The following PLD5 variants were observed in gnomAD, a reference collection of about 807,000 sequenced individuals.
PLD5 encodes the protein inactive phospholipase D5.
PLD5 carries 36 observed loss-of-function variants against 61.1 expected under a neutral mutation model. The observed-to-expected ratio is 0.59, with a 90% CI of 0.45 to 0.78. PLD5 has a LOEUF of 0.78. Among genes scored for constraint, PLD5 ranks in the 30% least tolerant of loss-of-function variants. PLD5 has a pLI of 0.00. For synonymous variants in PLD5, 243 were observed against 242.8 expected (o/e 1.00, Z -0.01); for missense variants, 515 against 644.4 (o/e 0.80, Z 2.17).
intron 1 of PLD5, among the ~76,000 whole-genome samples, chr1:242,466,197 T>C (rs1169116173): frequency 1.3e-5 from 2 of 152,230 alleles, no homozygotes; most frequent in Non-Finnish European, 2.9e-5. Context: ...AATAGTATTA[T>C]GTGTCTTCCC....
At chr1:242,269,373 A>AC (rs1224701550) in intron 3 of PLD5, among the ~76,000 whole-genome samples, 1 of 151,608 alleles carries the variant, frequency 6.6e-6, no homozygotes, top group Non-Finnish European at 1.5e-5. Context: ...AGGAAGCTGT[A>AC]CCCCCAAAAT....
chr1:242,484,778 A>G (rs886476416), intron 1 of PLD5, among the ~76,000 whole-genome samples: 1 of 152,238 alleles, frequency 6.6e-6, no homozygotes, highest in Non-Finnish European at 1.5e-5. Flanking sequence ...TTAGACCAAT[A>G]TCCCTGATGA....
chr1:242,460,426 G>A (rs1454985831), intron 1 of PLD5, among the ~76,000 whole-genome samples: 1 of 152,130 alleles, frequency 6.6e-6, no homozygotes, highest in Non-Finnish European at 1.5e-5. Context: ...GCGGGCTGCT[G>A]GCCAGATCCC....
At chr1:242,414,095 A>C (rs1664697640) in intron 1 of PLD5, among the ~76,000 whole-genome samples, 1 of 152,204 alleles carries the variant, frequency 6.6e-6, no homozygotes, top group Non-Finnish European at 1.5e-5. Context: ...GATGTGCTTA[A>C]GGTGGAAACT....
intron 1 of PLD5, among the ~76,000 whole-genome samples, chr1:242,373,129 G>A (rs368595945): frequency 5.5e-4 from 84 of 152,114 alleles, no homozygotes; most frequent in African/African-American, 1.7e-3. Context: ...AAAAGTGGGC[G>A]AAGGACAGTT....
At chr1:242,345,245 G>T (rs12067415) in intron 2 of PLD5, among the ~76,000 whole-genome samples, 3,046 of 152,208 alleles carry the variant, frequency 0.02, 47 homozygotes, top group African/African-American at 0.041. Context: ...GCCGATAGGG[G>T]ATGAATGAAA....
chr1:242,245,744 G>T (rs1401001277), intron 4 of PLD5, among the ~76,000 whole-genome samples: 1 of 152,146 alleles, frequency 6.6e-6, no homozygotes, highest in Non-Finnish European at 1.5e-5. Context: ...ATGGGAATTT[G>T]TTCTTTAGGC....
intron 1 of PLD5, among the ~76,000 whole-genome samples, chr1:242,454,160 G>A (rs1350033981): frequency 6.6e-6 from 1 of 151,966 alleles, no homozygotes; most frequent in Admixed American, 6.6e-5. Flanking sequence ...TGAGACCCCT[G>A]TCTCTACTAA....
At chr1:242,143,856 T>G (rs984363756) in intron 5 of PLD5, among the ~76,000 whole-genome samples, 23 of 151,966 alleles carry the variant, frequency 1.5e-4, no homozygotes, top group Non-Finnish European at 3.1e-4. Flanking sequence ...TTTCCTTTTT[T>G]TTTGAGTCAG....
intron 5 of PLD5, among the ~76,000 whole-genome samples, chr1:242,147,142 A>T (rs1246360150): frequency 1.3e-5 from 2 of 152,112 alleles, no homozygotes; most frequent in East Asian, 3.8e-4. Flanking sequence ...GGCCCCTAAA[A>T]TTCCCCCATG....
intron 1 of PLD5, among the ~76,000 whole-genome samples, chr1:242,465,784 G>T (rs1437334680): frequency 3.9e-5 from 6 of 152,190 alleles, no homozygotes; most frequent in African/African-American, 1.4e-4. Context: ...AAAAAAATTA[G>T]CCAGGCATGG....
At chr1:242,336,556 T>C (rs1223305868) in intron 2 of PLD5, among the ~76,000 whole-genome samples, 2 of 152,204 alleles carry the variant, frequency 1.3e-5, no homozygotes, top group African/African-American at 4.8e-5. Context: ...TGCTCCCATC[T>C]GTGAGAAAAA....
At chr1:242,099,560 G>A (rs551473296) in intron 9 of PLD5, among the ~76,000 whole-genome samples, 171 of 152,338 alleles carry the variant, frequency 1.1e-3, no homozygotes, top group African/African-American at 4.0e-3. Flanking sequence ...AGGGGCGGGA[G>A]GCAGTGGGTG....
intron 1 of PLD5, among the ~76,000 whole-genome samples, chr1:242,387,737 TTA>T (rs1662682344): frequency 7.8e-6 from 1 of 127,952 alleles, no homozygotes; most frequent in Non-Finnish European, 1.7e-5. Flanking sequence ...TTTATCTATT[TTA>T]TATATGATAT....
At chr1:242,253,426 G>C (rs552066406) in intron 4 of PLD5, among the ~76,000 whole-genome samples, 1 of 148,696 alleles carries the variant, frequency 6.7e-6, no homozygotes, top group South Asian at 2.1e-4. Context: ...CCATTCTCCT[G>C]CCTCAGCCTC....
At chr1:242,476,837 T>C (rs989685197) in intron 1 of PLD5, among the ~76,000 whole-genome samples, 1 of 152,202 alleles carries the variant, frequency 6.6e-6, no homozygotes, top group Non-Finnish European at 1.5e-5. Flanking sequence ...ACTTGTCCAC[T>C]ACTGCAGTTC....
intron 4 of PLD5, 48 bp from the exon 5 acceptor site, chr1:242,220,163 C>T (rs1228390862): frequency 6.2e-7 from 1 of 1,600,538 alleles, no homozygotes; most frequent in Admixed American, 1.7e-5. Flanking sequence ...AAGGCCCTGC[C>T]TGGGCTGTCA....
intron 1 of PLD5, among the ~76,000 whole-genome samples, chr1:242,502,839 T>A (rs1183886292): frequency 6.6e-6 from 1 of 152,060 alleles, no homozygotes; most frequent in Non-Finnish European, 1.5e-5. Context: ...GGTGGGCGGA[T>A]CACCTGAGGT....
intron 1 of PLD5, among the ~76,000 whole-genome samples, chr1:242,452,441 T>C (rs1476159013): frequency 1.3e-5 from 2 of 152,140 alleles, no homozygotes; most frequent in East Asian, 3.9e-4. Flanking sequence ...GCAAGAAAGT[T>C]AGGAAGTTCT....
Sources: allele counts gnomAD v4.1 joint callset (sites outside exome capture counted in the v4.1 genomes callset), GRCh38; gene constraint gnomAD v4.1.1; transcripts MANE v1.5; gene names NCBI Gene and HGNC (gene_info 2026-07-23, HGNC 2026-07-21).